The following GAN variants were observed in gnomAD, a reference collection of about 807,000 sequenced individuals.
GAN encodes the protein gigaxonin.
In GAN, 48 loss-of-function variants were observed where a neutral mutation model predicts 71.3. The ratio of observed to expected loss-of-function variants is 0.67; its 90% CI spans 0.53 to 0.86. The LOEUF is 0.86. GAN is among the 40% of genes least tolerant of loss of function. The pLI is 0.00. For missense variants in GAN, 928 were observed against 770.1 expected (o/e 1.21, Z -2.43); for synonymous variants, 386 against 276.8 (o/e 1.39, Z -3.92).
intron 8 of GAN, 111 bp from the exon 9 acceptor site, chr16:81,365,239 A>G (rs1412910097): frequency 1.9e-6 from 3 of 1,566,934 alleles, no homozygotes; most frequent in Admixed American, 3.3e-5. Context: ...TTCCTGAGAA[A>G]GGAAGGCCCA....
chr16:81,359,059 C>G (rs1279919919), intron 5 of GAN, among the ~76,000 whole-genome samples: 2 of 152,102 alleles, frequency 1.3e-5, no homozygotes, highest in Non-Finnish European at 2.9e-5. Flanking sequence ...AAGGCTCTAC[C>G]ATAGTATAGA....
chr16:81,331,217 C>G (rs745967601), intron 1 of GAN, among the ~76,000 whole-genome samples: 2 of 152,086 alleles, frequency 1.3e-5, no homozygotes, highest in Non-Finnish European at 2.9e-5. Flanking sequence ...AGAAAAAAGG[C>G]AAATCCAAGT....
At chr16:81,332,961 C>G (rs541829963) in intron 1 of GAN, among the ~76,000 whole-genome samples, 1 of 151,988 alleles carries the variant, frequency 6.6e-6, no homozygotes, top group East Asian at 1.9e-4. Flanking sequence ...GGTTTAGGGC[C>G]GAGTGCAATG....
chr16:81,387,496 G>A lies in GAN; in HGVS notation c.*9900G>A, dbSNP rs1055864499. ...GGAGAGGGAACGAGCCTCTGCCTGT[G>A]TGTCCTGACCCCTCTTGCCTTGTTT... On this transcript the variant is annotated 3_prime_UTR_variant, in exon 11 of 11. Transcript: ENST00000648994. 1.3e-5 allele frequency: 2 copies of A among 152,722 alleles called. No individual in the cohort carries two copies. Among genetic ancestry groups the A allele is most frequent in the East Asian group, 3.9e-4 (2 of 5,192 alleles). The allele number at this position is 152,722 out of a possible 1,614,324, so 9.5% of individuals were successfully genotyped here. A position where few individuals can be genotyped will look rare whatever the true frequency, so the allele number is the denominator to read the frequency against.
At chr16:81,330,045 T>C (rs987096421) in intron 1 of GAN, among the ~76,000 whole-genome samples, 16 of 152,306 alleles carry the variant, frequency 1.1e-4, no homozygotes, top group African/African-American at 1.7e-4. Context: ...CAGCATCTAA[T>C]TGATGCCCAG....
chr16:81,340,916 A>G (rs1597395618), intron 1 of GAN, among the ~76,000 whole-genome samples: 1 of 152,054 alleles, frequency 6.6e-6, no homozygotes, highest in Non-Finnish European at 1.5e-5. Flanking sequence ...ACAAATGGCT[A>G]ACTAGAATAA....
chr16:81,315,006 C>G lies in GAN; in HGVS notation c.-108C>G. 5 of 954,206 alleles carry G rather than the reference C, an allele frequency of 5.2e-6. No homozygotes were observed. Among genetic ancestry groups the G allele is most frequent in the Non-Finnish European group, 7.1e-6 (5 of 704,388 alleles). 59.1% of individuals were successfully genotyped at this position (954,206 alleles called of 1,614,324 possible). On this transcript the variant is annotated 5_prime_UTR_variant, in exon 1 of 11. Transcript: ENST00000648994. The stretch of plus-strand genomic sequence containing the variant: ...CGGGGGCTCCAGCTTCTGCTCAGAG[C>G]GCGGAGAGCCGGGCCGGGCGGGCGC...
rs374707169 is a variant in GAN, at chr16:81,365,305, G to T, written c.1374-45G>T. Reference sequence around the variant, plus strand: ...AAGAGGAACGCGGGAGTGAGATCTCGCATTGTACAGCTTGTGCCTGATAAC... The same window carrying T: ...AAGAGGAACGCGGGAGTGAGATCTCTCATTGTACAGCTTGTGCCTGATAAC... On this transcript the variant is annotated intron_variant, in intron 8 of 10. Coordinates refer to ENST00000648994, the MANE Select transcript of GAN (RefSeq NM_022041.4). 9 of 1,613,070 alleles carry T rather than the reference G, an allele frequency of 5.6e-6. No individual in the cohort carries two copies. In the African/African-American group the frequency reaches 6.7e-5, roughly 12 times the overall value.
intron 1 of GAN, among the ~76,000 whole-genome samples, chr16:81,338,458 G>A (rs1161261810): frequency 6.6e-6 from 1 of 152,038 alleles, no homozygotes; most frequent in Non-Finnish European, 1.5e-5. Flanking sequence ...TACTCATTCA[G>A]TACAGTCCAT....
intron 5 of GAN, 58 bp from the exon 6 acceptor site, chr16:81,362,441 G>A: frequency 2.4e-6 from 2 of 838,928 alleles, no homozygotes; most frequent in South Asian, 1.3e-5. Flanking sequence ...ATATGCTGTG[G>A]CGTTTATGGG....
rs1244841610 is a variant in GAN at position 81,389,648 on chromosome 16, G to A, written c.*12052G>A. The A allele has an allele frequency of 6.6e-6, 1 of 152,204 alleles. No homozygotes were observed. The highest frequency in any genetic ancestry group is 1.5e-5 in the Non-Finnish European group (1 of 68,040). 9.4% of individuals were successfully genotyped at this position (152,204 alleles called of 1,614,324 possible). A position where few individuals can be genotyped will look rare whatever the true frequency, so the allele number is the denominator to read the frequency against. On this transcript the variant is annotated 3_prime_UTR_variant, in exon 11 of 11. Transcript: ENST00000648994. ...ACACTAGAAATGTGTACATTCTTTT[G>A]TTTTCCATCACGGGTATAGGTCTTC...
At chr16:81,345,192 G>C (rs535388008) in intron 1 of GAN, among the ~76,000 whole-genome samples, 1 of 152,190 alleles carries the variant, frequency 6.6e-6, no homozygotes, top group African/African-American at 2.4e-5. Flanking sequence ...AGACAGTGTG[G>C]CGATTCCTCA....
intron 1 of GAN, among the ~76,000 whole-genome samples, chr16:81,345,378 A>C (rs772433849): frequency 1.8e-4 from 28 of 152,142 alleles, no homozygotes; most frequent in Non-Finnish European, 3.4e-4. Flanking sequence ...TAGACTAAGA[A>C]AATGTGGCAC....
At chr16:81,376,400 A>G (rs912190738) in intron 9 of GAN, among the ~76,000 whole-genome samples, 3 of 151,196 alleles carry the variant, frequency 2.0e-5, no homozygotes, top group Non-Finnish European at 4.4e-5. Context: ...TGGGCAGATC[A>G]CCTGAGCCCA....
At chr16:81,344,657 C>G (rs961988232) in intron 1 of GAN, among the ~76,000 whole-genome samples, 3 of 152,104 alleles carry the variant, frequency 2.0e-5, no homozygotes, top group Non-Finnish European at 4.4e-5. Flanking sequence ...CATAAAAATC[C>G]TAGAAGAAAA....
intron 1 of GAN, among the ~76,000 whole-genome samples, chr16:81,315,482 C>A (rs548534705): frequency 6.6e-6 from 1 of 151,942 alleles, no homozygotes; most frequent in Non-Finnish European, 1.5e-5. Flanking sequence ...TCTGTGGCTT[C>A]CAGGCCCGCG....
Position 81,378,063 on chromosome 16 carries a change from C to T in GAN, c.*467C>T. On this transcript the variant is annotated 3_prime_UTR_variant, in exon 11 of 11. Coordinates refer to ENST00000648994, the MANE Select transcript of GAN (RefSeq NM_022041.4). ...ACTGCACTTGGAAGGATATATTATG[C>T]CTAACCCTGCCCAACAAATTAAGGT... 1 of 213,958 alleles carries T rather than the reference C, an allele frequency of 4.7e-6. No homozygotes were observed. The highest frequency in any genetic ancestry group is 9.5e-6 in the Non-Finnish European group (1 of 104,826). The allele number at this position is 213,958 out of a possible 1,614,324, so 13.3% of individuals were successfully genotyped here.
chr16:81,377,686 C>G lies in GAN; in HGVS notation c.*90C>G. ...GAGCAGAGATGGCAGCTGAAACTCACTCTGTGCTGGGCTTTGGTATGGTAA... is the reference window on the plus strand; with the variant it reads ...GAGCAGAGATGGCAGCTGAAACTCAGTCTGTGCTGGGCTTTGGTATGGTAA... On this transcript the variant is annotated 3_prime_UTR_variant, in exon 11 of 11. Transcript: ENST00000648994. 8.8e-7 allele frequency: 1 copy of G among 1,142,268 alleles called. No homozygotes were observed. The highest frequency in any genetic ancestry group is 1.3e-6 in the Non-Finnish European group (1 of 751,404). The allele number at this position is 1,142,268 out of a possible 1,614,324, so 70.8% of individuals were successfully genotyped here.
Position 81,381,870 on chromosome 16 carries a change from C to T in GAN, c.*4274C>T, listed in dbSNP as rs540966417. The T allele has an allele frequency of 7.2e-5, 11 of 152,204 alleles. No individual in the cohort carries two copies. The highest frequency in any genetic ancestry group is 2.4e-4 in the African/African-American group (10 of 41,534). The allele number at this position is 152,204 out of a possible 1,614,324, so 9.4% of individuals were successfully genotyped here. A position where few individuals can be genotyped will look rare whatever the true frequency, so the allele number is the denominator to read the frequency against. On this transcript the variant is annotated 3_prime_UTR_variant, in exon 11 of 11. Coordinates refer to ENST00000648994, the MANE Select transcript of GAN (RefSeq NM_022041.4). ...TACCCATATGGGCTGGCCTCCTATA[C>T]GGAGCTGAAACTAGCATGGGCCGGC...
Sources: gnomAD v4.1 joint callset for allele counts (sites outside exome capture counted in the v4.1 genomes callset) on GRCh38, gnomAD v4.1.1 for gene constraint, MANE v1.5 for transcripts, NCBI Gene and HGNC (gene_info 2026-07-23, HGNC 2026-07-21) for gene names.